CDH12: variants seen among roughly 807,000 people sequenced by gnomAD.
The protein encoded by CDH12 is cadherin 12.
CDH12 carries 41 observed loss-of-function variants against 74.1 expected under a neutral mutation model. The ratio of observed to expected loss-of-function variants is 0.55; its 90% CI spans 0.43 to 0.72. The LOEUF (loss-of-function observed/expected upper bound fraction) is 0.72, where lower values mean the gene tolerates loss of function less well. Among genes scored for constraint, CDH12 ranks in the 30% least tolerant of loss-of-function variants. The pLI is 0.00. For missense variants in CDH12, 945 were observed against 977.2 expected, an observed-to-expected ratio of 0.97 and a Z score of 0.44; for synonymous variants, 399 against 355.0, an observed-to-expected ratio of 1.12 and a Z score of -1.39.
At chr5:22,780,896 G>C (rs914831287) in intron 1 of CDH12, among the ~76,000 whole-genome samples, 1 of 152,106 alleles carries the variant, frequency 6.6e-6, no homozygotes, top group African/African-American at 2.4e-5. Flanking sequence ...AATTTTAGCA[G>C]TAATAGGAAC....
chr5:22,587,540 T>G (rs1214139156), intron 1 of CDH12, among the ~76,000 whole-genome samples: 1 of 152,172 alleles, frequency 6.6e-6, no homozygotes, highest in African/African-American at 2.4e-5. Context: ...ATGCTACAGC[T>G]ATAGTGTCTA....
At chr5:21,987,465 G>T (rs1580071994) in intron 5 of CDH12, among the ~76,000 whole-genome samples, 2 of 152,238 alleles carry the variant, frequency 1.3e-5, no homozygotes, top group South Asian at 4.1e-4. Context: ...TCTCAAGAGA[G>T]AACAAGAGGG....
intron 1 of CDH12, among the ~76,000 whole-genome samples, chr5:22,712,708 C>G (rs1743350285): frequency 1.3e-5 from 2 of 152,016 alleles, no homozygotes; most frequent in Non-Finnish European, 2.9e-5. Context: ...TCTTTTTTTA[C>G]AGATGGAGAT....
At chr5:22,015,378 C>T (rs778877905) in intron 5 of CDH12, among the ~76,000 whole-genome samples, 2 of 151,908 alleles carry the variant, frequency 1.3e-5, no homozygotes, top group Admixed American at 6.6e-5. Flanking sequence ...ACATATTGTA[C>T]CAATCCCTTT....
At chr5:21,895,395 A>G (rs904578136) in intron 6 of CDH12, among the ~76,000 whole-genome samples, 1 of 152,204 alleles carries the variant, frequency 6.6e-6, no homozygotes, top group Admixed American at 6.5e-5. Context: ...CTGAGTAGAG[A>G]AGAGAAACTG....
At chr5:22,394,299 A>G (rs1437587858) in intron 3 of CDH12, among the ~76,000 whole-genome samples, 1 of 152,130 alleles carries the variant, frequency 6.6e-6, no homozygotes, top group African/African-American at 2.4e-5. Context: ...CACACAGGAG[A>G]ACCACTAGGT....
At chr5:22,717,125 A>G (rs1743617577) in intron 1 of CDH12, among the ~76,000 whole-genome samples, 1 of 152,166 alleles carries the variant, frequency 6.6e-6, no homozygotes, top group Non-Finnish European at 1.5e-5. Context: ...TAAAGTCTAC[A>G]GTAGTGTCCA....
At chr5:22,146,387 G>T (rs2963538) in intron 4 of CDH12, among the ~76,000 whole-genome samples, 22,904 of 151,828 alleles carry the variant, frequency 0.15, 2,030 homozygotes, top group African/African-American at 0.25. Context: ...TATCAATCAG[G>T]ATTAAATTTT....
chr5:22,586,939 TG>T (rs1406465323), intron 1 of CDH12, among the ~76,000 whole-genome samples: 2 of 147,694 alleles, frequency 1.4e-5, no homozygotes, highest in Non-Finnish European at 3.0e-5. Flanking sequence ...CTCCGCCTCC[TG>T]GGTTCAAGTG....
intron 4 of CDH12, among the ~76,000 whole-genome samples, chr5:22,099,140 T>C (rs1453486962): frequency 1.3e-5 from 2 of 152,124 alleles, no homozygotes; most frequent in East Asian, 3.9e-4. Context: ...ACTGGATAAG[T>C]AGAGGCCTTT....
Position 21,820,399 on chromosome 5 carries a change from T to C in CDH12, c.815-3267A>G, listed in dbSNP as rs1018837060. Among the ~76,000 whole-genome samples, 12 of 151,948 alleles carry C rather than the reference T, an allele frequency of 7.9e-5. No individual in the cohort carries two copies. In the East Asian group the frequency reaches 1.4e-3, roughly 17 times the overall value. On this transcript the variant is annotated intron_variant, in intron 8 of 14. Coordinates refer to ENST00000382254, the MANE Select transcript of CDH12 (RefSeq NM_004061.5). Reference sequence around the variant, plus strand: ...AAATAATAGCATTGTCCAATAATGATTGATTTACTAGCATTCCACTAACAT... The same window carrying C: ...AAATAATAGCATTGTCCAATAATGACTGATTTACTAGCATTCCACTAACAT...
intron 5 of CDH12, among the ~76,000 whole-genome samples, chr5:22,070,880 G>A (rs892453139): frequency 6.6e-6 from 1 of 152,262 alleles, no homozygotes. Flanking sequence ...CACATGAACA[G>A]ACAACCAAAC....
intron 5 of CDH12, among the ~76,000 whole-genome samples, chr5:22,037,899 C>T (rs1176084528): frequency 1.3e-5 from 2 of 152,116 alleles, no homozygotes; most frequent in Non-Finnish European, 1.5e-5. Context: ...ATTCCCGAGT[C>T]AGGATCAGCT....
chr5:22,581,656 C>A (rs1013032268), intron 1 of CDH12, among the ~76,000 whole-genome samples: 1 of 152,170 alleles, frequency 6.6e-6, no homozygotes, highest in Non-Finnish European at 1.5e-5. Flanking sequence ...GGCCACCATC[C>A]TCCAGACACC....
intron 4 of CDH12, among the ~76,000 whole-genome samples, chr5:22,146,490 A>C (rs1279106493): frequency 1.3e-5 from 2 of 152,124 alleles, no homozygotes; most frequent in Admixed American, 1.3e-4. Context: ...AAAATAGAAG[A>C]TAGAAAAAAT....
At chr5:22,676,676 CT>C (rs1306919072) in intron 1 of CDH12, among the ~76,000 whole-genome samples, 1 of 152,154 alleles carries the variant, frequency 6.6e-6, no homozygotes, top group African/African-American at 2.4e-5. Flanking sequence ...AAATTAAGAC[CT>C]TGCTCCAGAC....
chr5:22,372,652 T>C (rs1741343821), intron 3 of CDH12, among the ~76,000 whole-genome samples: 1 of 152,122 alleles, frequency 6.6e-6, no homozygotes, highest in Non-Finnish European at 1.5e-5. Flanking sequence ...TCACTGCCAA[T>C]GATGCTTCGG....
chr5:22,777,330 T>G (rs1051962696), intron 1 of CDH12, among the ~76,000 whole-genome samples: 1 of 152,164 alleles, frequency 6.6e-6, no homozygotes, highest in African/African-American at 2.4e-5. Context: ...GTTATTCAGT[T>G]GATACATTGT....
chr5:22,646,369 AG>A (rs1739432350), intron 1 of CDH12, among the ~76,000 whole-genome samples: 1 of 151,834 alleles, frequency 6.6e-6, no homozygotes, highest in South Asian at 2.1e-4. Context: ...ATGGTGGATC[AG>A]CACTCAGGCA....
Sources: allele counts gnomAD v4.1 joint callset (sites outside exome capture counted in the v4.1 genomes callset), GRCh38; gene constraint gnomAD v4.1.1; transcripts MANE v1.5; gene names NCBI Gene and HGNC (gene_info 2026-07-23, HGNC 2026-07-21).